AMPD3: variants seen among roughly 807,000 people sequenced by gnomAD.
AMPD3 encodes the protein adenosine monophosphate deaminase 3, also known as AMP deaminase 3.
In AMPD3, 57 loss-of-function variants were observed where a neutral mutation model predicts 82.3. That is an observed-to-expected ratio of 0.69 (90% CI 0.56 to 0.86). AMPD3 has a LOEUF of 0.86. AMPD3 is among the 40% of genes least tolerant of loss of function. The pLI, the probability that AMPD3 is intolerant of heterozygous loss-of-function variation, is 0.00. For synonymous variants in AMPD3, 381 were observed against 394.7 expected, an observed-to-expected ratio of 0.97 and a Z score of 0.41; for missense variants, 870 against 1,003.8, an observed-to-expected ratio of 0.87 and a Z score of 1.80.
chr11:10,494,875 G>C (rs998367123), intron 7 of AMPD3, 24 bp from the exon 8 acceptor site: 2 of 1,608,586 alleles, frequency 1.2e-6, no homozygotes, highest in Admixed American at 1.7e-5. Context: ...ACGATGCGTT[G>C]ATTGGTGTGG....
intron 3 of AMPD3, among the ~76,000 whole-genome samples, chr11:10,481,005 A>G (rs1848888436): frequency 1.3e-5 from 2 of 152,226 alleles, no homozygotes; most frequent in African/African-American, 2.4e-5. Context: ...TTTGAATATG[A>G]GGCTGCTCTG....
intron 10 of AMPD3, 130 bp downstream of exon 10, chr11:10,497,068 G>T (rs11042853): frequency 2.5e-6 from 3 of 1,219,494 alleles, no homozygotes; most frequent in Non-Finnish European, 3.6e-6. Flanking sequence ...TGTTCCAGGC[G>T]TGGGGTCACC....
intron 2 of AMPD3, chr11:10,477,907 G>A (rs1293270970): frequency 1.0e-6 from 1 of 985,310 alleles, no homozygotes; most frequent in Non-Finnish European, 1.2e-6. Context: ...GGCCTATGAT[G>A]CCTGTAAGCT....
chr11:10,487,391 T>C (rs3802917), intron 6 of AMPD3, 27 bp downstream of exon 6: 401,441 of 1,612,810 alleles, frequency 0.25, 51,948 homozygotes, highest in South Asian at 0.41. Flanking sequence ...TGTTCACAGC[T>C]GCCTCACCCG....
In AMPD3 at chr11:10,484,981, C is replaced by G. The variant is rs1321500657; in HGVS notation, c.751C>G (p.Leu251Val). 2 of 1,601,862 alleles carry G rather than the reference C, an allele frequency of 1.2e-6. No individual in the cohort carries two copies. The highest frequency in any genetic ancestry group is 2.3e-5 in the East Asian group (1 of 44,330). ...QEPHSLPYPDLETYTVDMSHI... is the reference protein window; with the variant it reads ...QEPHSLPYPDVETYTVDMSHI... ...GCCGCACAGCCTACCCTACCCCGAC[C>G]TGGAGACCTACACGGTGGACATGAG... Residue 251 changes from leucine to valine, a missense_variant, in exon 5 of 15, where the codon CTG becomes GTG. Physicochemically the swap from Leu to Val is conservative, Grantham distance 32 (BLOSUM62 1). Coordinates refer to ENST00000396553, the MANE Select transcript of AMPD3 (RefSeq NM_001025389.2).
intron 11 of AMPD3, chr11:10,501,152 T>G (rs1849568559): frequency 4.1e-6 from 4 of 985,268 alleles, no homozygotes; most frequent in Non-Finnish European, 4.8e-6. Context: ...TCTCATGGCC[T>G]TCCCTGCTCT....
In AMPD3 at chr11:10,495,041, C is replaced by T. The variant is rs780455793; in HGVS notation, c.1266+11C>T. 3.7e-6 allele frequency: 6 copies of T among 1,613,954 alleles called. No homozygotes were observed. The highest frequency in any genetic ancestry group is 1.7e-5 in the Admixed American group (1 of 60,004). ...GCTCGGATGGTCAAGGTGAGTGAAC[C>T]CTCAGTCTCTCTGAGGCCTCTCAGG... On this transcript the variant is annotated intron_variant, in intron 8 of 14. Transcript: ENST00000396553.
intron 1 of AMPD3, among the ~76,000 whole-genome samples, chr11:10,459,413 G>A (rs1004979645): frequency 6.6e-6 from 1 of 152,150 alleles, no homozygotes; most frequent in Non-Finnish European, 1.5e-5. Context: ...AGCTGAGAGG[G>A]CCTTAGAGAC....
chr11:10,503,282 G>A (rs1164076400), intron 13 of AMPD3, among the ~76,000 whole-genome samples: 1 of 152,206 alleles, frequency 6.6e-6, no homozygotes, highest in African/African-American at 2.4e-5. Context: ...TTCTAACATA[G>A]TGTCTGCATA....
intron 1 of AMPD3, among the ~76,000 whole-genome samples, chr11:10,457,331 G>A (rs1212010843): frequency 2.0e-5 from 3 of 152,026 alleles, no homozygotes; most frequent in African/African-American, 7.2e-5. Flanking sequence ...TTCTGCGGAA[G>A]ATTTTTATGG....
upstream of AMPD3, chr11:10,450,933 G>A (rs1847944358): frequency 1.5e-6 from 2 of 1,302,976 alleles, no homozygotes. Flanking sequence ...CCTGGCCCCG[G>A]CTGGCCTCAG....
chr11:10,489,433 C>T (rs1849176487), intron 6 of AMPD3, among the ~76,000 whole-genome samples: 1 of 152,176 alleles, frequency 6.6e-6, no homozygotes, highest in African/African-American at 2.4e-5. Flanking sequence ...CTGGGTCTAC[C>T]AGCTGCCCTC....
chr11:10,464,205 CAG>C (rs1848352582), intron 2 of AMPD3, among the ~76,000 whole-genome samples: 1 of 152,180 alleles, frequency 6.6e-6, no homozygotes, highest in African/African-American at 2.4e-5. Flanking sequence ...GCTGCTGAGA[CAG>C]GGAACAATAG....
At chr11:10,505,279 T>C (rs1564860102) in intron 14 of AMPD3, 1 of 985,108 alleles carries the variant, frequency 1.0e-6, no homozygotes, top group African/African-American at 1.7e-5. Flanking sequence ...GCTCGTCGGA[T>C]GATGATGCAG....
chr11:10,506,174 A>G lies in AMPD3; in HGVS notation c.*290A>G, dbSNP rs1849710305. 4.6e-6 allele frequency: 2 copies of G among 431,818 alleles called. No individual in the cohort carries two copies. Among genetic ancestry groups the G allele is most frequent in the Non-Finnish European group, 8.6e-6 (2 of 232,048 alleles). 26.7% of individuals were successfully genotyped at this position (431,818 alleles called of 1,614,324 possible). ...TTCTCTTGAAACTGCCAGTGCCTGA[A>G]CTGTTGGGGCCAGGATTTTCCCTGG... On this transcript the variant is annotated 3_prime_UTR_variant, in exon 15 of 15. Coordinates refer to ENST00000396553, the MANE Select transcript of AMPD3 (RefSeq NM_001025389.2). This position sits in a 1 kb window ranked among gnomAD's most constrained non-coding sequence, Gnocchi z 4.1.
chr11:10,479,853 T>C (rs1234417196), intron 3 of AMPD3: 4 of 963,602 alleles, frequency 4.2e-6, no homozygotes, highest in Non-Finnish European at 4.9e-6. Context: ...GGATATATCA[T>C]AGCTTATTTT....
chr11:10,452,583 T>G (rs1847988944), upstream of AMPD3, among the ~76,000 whole-genome samples: 1 of 152,118 alleles, frequency 6.6e-6, no homozygotes, highest in Admixed American at 6.6e-5. Context: ...ACCCAGGTAA[T>G]AGAAACTTGG....
In AMPD3 at chr11:10,456,176, C is replaced by T; in HGVS notation, c.-6+728C>T. 1 of 1,407,156 alleles carries T rather than the reference C, an allele frequency of 7.1e-7. No homozygotes were observed. Among genetic ancestry groups the T allele is most frequent in the Non-Finnish European group, 9.2e-7 (1 of 1,082,724 alleles). The allele number at this position is 1,407,156 out of a possible 1,614,324, so 87.2% of individuals were successfully genotyped here. A position where few individuals can be genotyped will look rare whatever the true frequency, so the allele number is the denominator to read the frequency against. On this transcript the variant is annotated intron_variant, in intron 1 of 14. Transcript: ENST00000396553. This position sits in a 1 kb window ranked among gnomAD's most constrained non-coding sequence, Gnocchi z 4.3. Reference sequence around the variant, plus strand: ...TCAGGGCTCTTGGAAATTTTCCACTCATATTTCATATTCACGAGAGAATTT... The same window carrying T: ...TCAGGGCTCTTGGAAATTTTCCACTTATATTTCATATTCACGAGAGAATTT...
intron 13 of AMPD3, chr11:10,503,912 A>G: frequency 9.2e-6 from 9 of 982,434 alleles, no homozygotes; most frequent in Non-Finnish European, 9.7e-6. Flanking sequence ...TACTTCGAGA[A>G]CTATTGCTCT....
Sources: allele counts gnomAD v4.1 joint callset (sites outside exome capture counted in the v4.1 genomes callset), GRCh38; gene constraint gnomAD v4.1.1; non-coding constraint Gnocchi (gnomAD v3.1); transcripts MANE v1.5; gene names NCBI Gene and HGNC (gene_info 2026-07-23, HGNC 2026-07-21).